Variants in OPRM1 observed in about 807,000 individuals in gnomAD.
OPRM1 encodes opioid receptor mu 1.
Under a neutral mutation model 31.8 loss-of-function variants are expected in OPRM1, and 27 were observed. The ratio of observed to expected loss-of-function variants is 0.85; its 90% CI spans 0.63 to 1.17. OPRM1 has a LOEUF of 1.17. Ranked by LOEUF, OPRM1 falls within the 50% of genes most tolerant of loss-of-function variation. The pLI is 0.00. For synonymous variants in OPRM1, 196 were observed against 189.9 expected, an observed-to-expected ratio of 1.03 and a Z score of -0.26; for missense variants, 536 against 511.1, an observed-to-expected ratio of 1.05 and a Z score of -0.47.
chr6:154,064,551 G>T (rs1000000944), intron 1 of OPRM1, among the ~76,000 whole-genome samples: 1 of 152,130 alleles, frequency 6.6e-6, no homozygotes, highest in Non-Finnish European at 1.5e-5. Context: ...TCATATCCAA[G>T]AAATCTTTGT....
intron 3 of OPRM1, among the ~76,000 whole-genome samples, chr6:154,181,973 A>C (rs1800920475): frequency 6.6e-6 from 1 of 152,208 alleles, no homozygotes; most frequent in Non-Finnish European, 1.5e-5. Context: ...TAGTTGGGAA[A>C]GGTGAGGCGA....
intron 3 of OPRM1, among the ~76,000 whole-genome samples, chr6:154,223,966 T>C (rs1779061842): frequency 6.6e-6 from 1 of 152,192 alleles, no homozygotes; most frequent in South Asian, 2.1e-4. Context: ...AAAACATGTA[T>C]AGGAAATATA....
chr6:154,130,678 G>A lies in OPRM1; in HGVS notation c.*11957G>A, dbSNP rs376386301. ...ATTGTATATCCATATAAAAGCATTA[G>A]TACCATTATATGAAAGTATATATGC... On this transcript the variant is annotated 3_prime_UTR_variant, in exon 4 of 4. Transcript: ENST00000330432. 1.1e-4 allele frequency among the ~76,000 whole-genome samples: 16 copies of A among 151,216 alleles called. No individual in the cohort carries two copies. The highest frequency in any genetic ancestry group is 6.3e-4 in the South Asian group (3 of 4,770).
At chr6:154,192,665 G>T (rs917856674) in intron 3 of OPRM1, among the ~76,000 whole-genome samples, 4 of 147,292 alleles carry the variant, frequency 2.7e-5, no homozygotes, top group African/African-American at 1.0e-4. Flanking sequence ...AAATTAGGAA[G>T]AAAAAAAAAT....
In OPRM1 at chr6:154,109,792, C is replaced by CTG. The variant is rs377400514; in HGVS notation, c.1165-8851_1165-8850dup. 6.1e-3 allele frequency among the ~76,000 whole-genome samples: 621 copies of CTG among 101,246 alleles called. 4 individuals are homozygous for CTG. The highest frequency in any genetic ancestry group is 0.011 in the East Asian group (41 of 3,646). The allele number at this position is 101,246 out of a possible 152,430, so 66.4% of individuals were successfully genotyped here. On this transcript the variant is annotated intron_variant, in intron 3 of 3. Coordinates refer to ENST00000330432, the MANE Select transcript of OPRM1 (RefSeq NM_000914.5). ...CCTCTCTCTCTCTCTCTCTCTCTCTCTGTGTGTGTGTGTGTGTGTGTGTGT... is the reference window on the plus strand; with the variant it reads ...CCTCTCTCTCTCTCTCTCTCTCTCTCTGTGTGTGTGTGTGTGTGTGTGTGTGT...
At position 154,130,949 on chromosome 6, in the gene OPRM1, T is replaced by A. The variant is rs146203384; in HGVS notation, c.*12228T>A. On this transcript the variant is annotated 3_prime_UTR_variant, in exon 4 of 4. Transcript: ENST00000330432. Reference sequence around the variant, plus strand: ...TGATCTTGTTGTTTTCATTTTATTATGTTATATGAAAAAAAGAAACCTTGT... The same window carrying A: ...TGATCTTGTTGTTTTCATTTTATTAAGTTATATGAAAAAAAGAAACCTTGT... Among the ~76,000 whole-genome samples, 2,043 of 152,240 alleles carry A rather than the reference T, an allele frequency of 0.013. 51 individuals carry two copies. Among genetic ancestry groups the A allele is most frequent in the African/African-American group, 0.044 (1,846 of 41,558 alleles).
chr6:154,047,599 T>C (rs1781380233), intron 1 of OPRM1, among the ~76,000 whole-genome samples: 1 of 152,218 alleles, frequency 6.6e-6, no homozygotes, highest in African/African-American at 2.4e-5. Flanking sequence ...TGAACTTTCG[T>C]AAACCAATGG....
At chr6:154,149,575 C>T (rs1445274060) in intron 3 of OPRM1, among the ~76,000 whole-genome samples, 1 of 151,332 alleles carries the variant, frequency 6.6e-6, no homozygotes, top group Non-Finnish European at 1.5e-5. Context: ...TGACCTCAGC[C>T]TTCTGCATAT....
At chr6:154,134,139 G>T (rs2128535514), downstream of OPRM1, among the ~76,000 whole-genome samples, 1 of 152,340 alleles carries the variant, frequency 6.6e-6, no homozygotes, top group Admixed American at 6.5e-5. Flanking sequence ...CTTTCTGAAA[G>T]ATCACTAGGA....
At chr6:154,092,739 A>G (rs1316157962) in intron 3 of OPRM1, among the ~76,000 whole-genome samples, 1 of 152,140 alleles carries the variant, frequency 6.6e-6, no homozygotes, top group Non-Finnish European at 1.5e-5. Flanking sequence ...GCCCAGATAC[A>G]TCCGTCATGG....
exon 1 of OPRM1, chr6:154,010,928 C>T: frequency 7.7e-7 from 1 of 1,302,002 alleles, no homozygotes; most frequent in South Asian, 1.2e-5. Flanking sequence ...AAAATGTTTC[C>T]TGGAAACCTG....
Position 154,127,605 on chromosome 6 carries a change from C to G in OPRM1, c.*8884C>G, listed in dbSNP as rs1235353822. 6.6e-6 allele frequency among the ~76,000 whole-genome samples: 1 copy of G among 152,128 alleles called. No individual in the cohort carries two copies. Among genetic ancestry groups the G allele is most frequent in the Non-Finnish European group, 1.5e-5 (1 of 68,024 alleles). On this transcript the variant is annotated 3_prime_UTR_variant, in exon 4 of 4. Transcript: ENST00000330432. Reference sequence around the variant, plus strand: ...CTCATGACTTGACATTGTGGTGGGCCGGCTACAACCCTCCCCACCCCTCGC... The same window carrying G: ...CTCATGACTTGACATTGTGGTGGGCGGGCTACAACCCTCCCCACCCCTCGC...
chr6:154,100,133 TATA>T (rs1554275436), intron 3 of OPRM1, among the ~76,000 whole-genome samples: 1 of 20,862 alleles, frequency 4.8e-5, no homozygotes, highest in East Asian at 4.3e-3. Flanking sequence ...TATTATGACA[TATA>T]ATATATATTA....
At chr6:154,019,778 C>T (rs144500245) in intron 1 of OPRM1, among the ~76,000 whole-genome samples, 1,328 of 132,154 alleles carry the variant, frequency 0.01, 16 homozygotes, top group African/African-American at 0.036. Flanking sequence ...GACAGGGTCT[C>T]GCTCTGTTGC....
At chr6:154,023,308 T>G (rs1159507951) in intron 1 of OPRM1, among the ~76,000 whole-genome samples, 2 of 152,192 alleles carry the variant, frequency 1.3e-5, no homozygotes, top group Non-Finnish European at 2.9e-5. Context: ...ATTTTACTTG[T>G]GGCTATTGTA....
chr6:154,199,374 A>T (rs1776892663), intron 3 of OPRM1, among the ~76,000 whole-genome samples: 1 of 152,262 alleles, frequency 6.6e-6, no homozygotes, highest in African/African-American at 2.4e-5. Context: ...GGACCAAAAA[A>T]GAGGCAAGTT....
chr6:154,079,548 G>C (rs1011114214), intron 1 of OPRM1, among the ~76,000 whole-genome samples: 5 of 152,190 alleles, frequency 3.3e-5, no homozygotes, highest in African/African-American at 4.8e-5. Flanking sequence ...ATACACACTG[G>C]AGTGCTCTGT....
chr6:154,095,602 C>A (rs896215621), intron 3 of OPRM1, among the ~76,000 whole-genome samples: 13 of 152,148 alleles, frequency 8.5e-5, no homozygotes, highest in African/African-American at 2.9e-4. Flanking sequence ...AATTTTATTT[C>A]TAACGCGTAC....
chr6:154,158,931 G>T (rs920619754), intron 3 of OPRM1: 1 of 152,008 alleles, frequency 6.6e-6, no homozygotes, highest in African/African-American at 2.4e-5. Context: ...TTTGAGTAAA[G>T]ATATTAAAAC....
Sources: allele counts gnomAD v4.1 joint callset (sites outside exome capture counted in the v4.1 genomes callset), GRCh38; gene constraint gnomAD v4.1.1; transcripts MANE v1.5; gene names NCBI Gene and HGNC (gene_info 2026-07-23, HGNC 2026-07-21).